Variants in IGFL4 observed in about 807,000 individuals in gnomAD.
IGFL4 encodes the protein insulin growth factor-like family member 4.
A neutral mutation model predicts 15.4 loss-of-function variants in IGFL4; 12 were observed. The ratio of observed to expected loss-of-function variants is 0.78; its 90% CI spans 0.50 to 1.26. The LOEUF is 1.26. IGFL4 is among the 50% of genes most tolerant of loss of function. The pLI is 0.00. For missense variants in IGFL4, 126 were observed against 147.8 expected, an observed-to-expected ratio of 0.85 and a Z score of 0.76; for synonymous variants, 54 against 55.9, an observed-to-expected ratio of 0.97 and a Z score of 0.16.
At position 46,040,123 on chromosome 19, in the gene IGFL4, C is replaced by A. The variant is rs183541426; in HGVS notation, c.330+34G>T. On this transcript the variant is annotated intron_variant, in intron 3 of 3. Coordinates refer to ENST00000377697, the MANE Select transcript of IGFL4 (RefSeq NM_001002923.3). The surrounding 1 kb of genome is among the most constrained non-coding windows in gnomAD (Gnocchi z 4.1). ...AACCAAGCTCCATTCCCTACTCCCC[C>A]CTCCCACAGCCTGGACTGGAGTCAG... The A allele has an allele frequency of 6.8e-4, 1,088 of 1,610,204 alleles. 9 individuals are homozygous for A. Among genetic ancestry groups the A allele is most frequent in the South Asian group, 5.1e-3 (467 of 90,814 alleles).
upstream of IGFL4, among the ~76,000 whole-genome samples, chr19:46,077,621 A>G (rs1969624173): frequency 6.6e-6 from 1 of 152,208 alleles, no homozygotes; most frequent in Non-Finnish European, 1.5e-5. This position sits in a 1 kb window ranked among gnomAD's most constrained non-coding sequence, Gnocchi z 5.4. Context: ...CATGGCGACT[A>G]CTTACACTGC....
At chr19:46,076,189 G>A (rs1486439593) in intron 1 of IGFL4, among the ~76,000 whole-genome samples, 1 of 152,162 alleles carries the variant, frequency 6.6e-6, no homozygotes, top group African/African-American at 2.4e-5. Flanking sequence ...AGGAGCCTTC[G>A]TGACCTAATC....
intron 1 of IGFL4, among the ~76,000 whole-genome samples, chr19:46,065,604 G>A (rs892632651): frequency 6.6e-6 from 1 of 152,232 alleles, no homozygotes; most frequent in African/African-American, 2.4e-5. Context: ...ACCGCGCCTG[G>A]CTGGCATTTA....
At chr19:46,047,000 GAAGT>G (rs1969302909) in intron 2 of IGFL4, among the ~76,000 whole-genome samples, 1 of 152,128 alleles carries the variant, frequency 6.6e-6, no homozygotes, top group African/African-American at 2.4e-5. Flanking sequence ...CACAAAATCA[GAAGT>G]AAAACACTCC....
chr19:46,047,873 A>C (rs944073285), intron 2 of IGFL4, among the ~76,000 whole-genome samples: 3 of 152,252 alleles, frequency 2.0e-5, no homozygotes, highest in African/African-American at 7.2e-5. Flanking sequence ...TACGGAAACT[A>C]TTCCAAAAAA....
intron 2 of IGFL4, among the ~76,000 whole-genome samples, chr19:46,056,816 T>C (rs994282798): frequency 2.6e-5 from 4 of 152,240 alleles, no homozygotes; most frequent in Non-Finnish European, 5.9e-5. Context: ...CTCAACTTGC[T>C]ATTCCTCCAG....
intron 2 of IGFL4, among the ~76,000 whole-genome samples, chr19:46,048,197 G>T (rs1446982239): frequency 1.3e-5 from 2 of 152,092 alleles, no homozygotes; most frequent in East Asian, 3.9e-4. Flanking sequence ...ATGCAGAAAA[G>T]GCTTTTGATA....
intron 1 of IGFL4, among the ~76,000 whole-genome samples, chr19:46,066,521 T>G (rs1969496307): frequency 6.6e-6 from 1 of 152,142 alleles, no homozygotes. Flanking sequence ...GGCTAGGTAA[T>G]TTACAGAGAA....
Position 46,040,310 on chromosome 19 carries a change from G to A in IGFL4, c.177C>T (p.Thr59=), listed in dbSNP as rs1231270892. The A allele has an allele frequency of 6.2e-7, 1 of 1,613,992 alleles. No individual in the cohort carries two copies. Among genetic ancestry groups the A allele is most frequent in the African/African-American group, 1.3e-5 (1 of 74,892 alleles). The change falls in exon 3 of 4, where the codon ACC becomes ACT. Residue 59 remains threonine (T), a synonymous_variant. Coordinates refer to ENST00000377697, the MANE Select transcript of IGFL4 (RefSeq NM_001002923.3). This position sits in a 1 kb window ranked among gnomAD's most constrained non-coding sequence, Gnocchi z 4.1. ...AGGTGCAGCTGGAGCCGCAGAGCCG[G>A]GTCTGGTTCAAGTCTAGGATGACAC... ...DDGVILDLNQ[T]RLCGSSCTFW...
At chr19:46,056,242 C>T (rs1969391598) in intron 2 of IGFL4, among the ~76,000 whole-genome samples, 1 of 152,148 alleles carries the variant, frequency 6.6e-6, no homozygotes, top group Non-Finnish European at 1.5e-5. Flanking sequence ...AATTAAATAA[C>T]ATGAAAAATT....
At chr19:46,045,165 C>T (rs559284012), upstream of IGFL4, among the ~76,000 whole-genome samples, 1 of 152,216 alleles carries the variant, frequency 6.6e-6, no homozygotes, top group African/African-American at 2.4e-5. Context: ...GGGTAATAGG[C>T]CAGGCGCAGT....
chr19:46,052,063 A>T (rs1969349847), intron 2 of IGFL4, among the ~76,000 whole-genome samples: 1 of 152,228 alleles, frequency 6.6e-6, no homozygotes. Context: ...CATTGATAGC[A>T]CTAGACAGGT....
chr19:46,040,031 C>T lies in IGFL4; in HGVS notation c.331-95G>A. On this transcript the variant is annotated intron_variant, in intron 3 of 3. Coordinates refer to ENST00000377697, the MANE Select transcript of IGFL4 (RefSeq NM_001002923.3). The surrounding 1 kb of genome is among the most constrained non-coding windows in gnomAD (Gnocchi z 4.1). ...AGAGACATGGAGAAAGACAGAGTTG[C>T]ATGGTTACTGAGAGATGGGAAGGTA... is the stretch of plus-strand genomic sequence containing the variant. 6.6e-7 allele frequency: 1 copy of T among 1,505,280 alleles called. No individual in the cohort carries two copies. Among genetic ancestry groups the T allele is most frequent in the Non-Finnish European group, 9.2e-7 (1 of 1,082,140 alleles). The allele number at this position is 1,505,280 out of a possible 1,614,324, so 93.2% of individuals were successfully genotyped here.
intron 2 of IGFL4, among the ~76,000 whole-genome samples, chr19:46,052,215 G>A (rs1203770637): frequency 1.3e-5 from 2 of 152,088 alleles, no homozygotes; most frequent in Non-Finnish European, 2.9e-5. Context: ...TTCAGAATTA[G>A]CTTAGACCAT....
chr19:46,072,898 C>A (rs1289466347), intron 1 of IGFL4, among the ~76,000 whole-genome samples: 1 of 151,900 alleles, frequency 6.6e-6, no homozygotes, highest in Non-Finnish European at 1.5e-5. Flanking sequence ...GATGCAGATA[C>A]CTTTGGCCAT....
intron 1 of IGFL4, among the ~76,000 whole-genome samples, chr19:46,071,168 G>A (rs1430884470): frequency 1.3e-5 from 2 of 149,888 alleles, no homozygotes; most frequent in Non-Finnish European, 3.0e-5. Context: ...CTGCCTATGT[G>A]TATCAGCTCA....
At chr19:46,042,036 C>A (rs1267966849), upstream of IGFL4, among the ~76,000 whole-genome samples, 1 of 95,366 alleles carries the variant, frequency 1.0e-5, no homozygotes, top group Non-Finnish European at 2.1e-5. Context: ...AGTTAGGGTC[C>A]TACAATGTTC....
chr19:46,076,384 G>GA (rs1447328833), intron 1 of IGFL4, among the ~76,000 whole-genome samples: 2 of 152,124 alleles, frequency 1.3e-5, no homozygotes, highest in Non-Finnish European at 2.9e-5. Flanking sequence ...GTGCCCCTTT[G>GA]ACATATTGTG....
chr19:46,050,304 T>A (rs1352654166), intron 2 of IGFL4, among the ~76,000 whole-genome samples: 1 of 152,058 alleles, frequency 6.6e-6, no homozygotes, highest in Non-Finnish European at 1.5e-5. Context: ...CAGCAATGGA[T>A]CCAAACCAAG....
Sources: allele counts gnomAD v4.1 joint callset (sites outside exome capture counted in the v4.1 genomes callset), GRCh38; gene constraint gnomAD v4.1.1; non-coding constraint Gnocchi (gnomAD v3.1); transcripts MANE v1.5; gene names NCBI Gene and HGNC (gene_info 2026-07-23, HGNC 2026-07-21).